Variants in CATSPERD observed in about 807,000 individuals in gnomAD.
CATSPERD encodes cation channel sperm-associated auxiliary subunit delta.
CATSPERD carries 86 observed loss-of-function variants against 98.1 expected under a neutral mutation model. That is an observed-to-expected ratio of 0.88 (90% CI 0.74 to 1.05). CATSPERD has a LOEUF of 1.05. Among genes scored for constraint, CATSPERD ranks in the 50% least tolerant of loss-of-function variants. CATSPERD has a pLI of 0.00. For synonymous variants in CATSPERD, 394 were observed against 390.2 expected, an observed-to-expected ratio of 1.01 and a Z score of -0.12; for missense variants, 995 against 1,005.7, an observed-to-expected ratio of 0.99 and a Z score of 0.14.
intron 7 of CATSPERD, among the ~76,000 whole-genome samples, chr19:5,740,989 G>T (rs1289051870): frequency 1.4e-5 from 2 of 142,920 alleles, no homozygotes; most frequent in Admixed American, 1.4e-4. Context: ...GGAGGCTGAG[G>T]CAGGAGGATT....
intron 16 of CATSPERD, 68 bp downstream of exon 16, chr19:5,763,361 T>C: frequency 7.4e-7 from 1 of 1,349,646 alleles, no homozygotes. Context: ...AAGCTGGCCC[T>C]GAGGTTGCAA....
At chr19:5,737,247 T>G (rs1568346637) in intron 6 of CATSPERD, 42 bp downstream of exon 6, 8 of 1,343,860 alleles carry the variant, frequency 6.0e-6, no homozygotes, top group Non-Finnish European at 8.5e-6. Flanking sequence ...TTTGCTCTCC[T>G]CTGAACACAA....
chr19:5,721,764 CACTCA>C, intron 1 of CATSPERD, among the ~76,000 whole-genome samples: 1 of 151,806 alleles, frequency 6.6e-6, no homozygotes, highest in Non-Finnish European at 1.5e-5. Flanking sequence ...GTGGGCAGAT[CACTCA>C]CTTGAGGTCA....
chr19:5,763,331 A>G lies in CATSPERD; in HGVS notation c.1506+38A>G, dbSNP rs745615591. On this transcript the variant is annotated intron_variant, in intron 16 of 21. Coordinates refer to ENST00000381624, the MANE Select transcript of CATSPERD (RefSeq NM_152784.4). ...TCTTTGCTGTCCCATATTCGGTGTC[A>G]TAAGTGTTAAGACTCATGGAAGCTG... 1.2e-5 allele frequency: 18 copies of G among 1,549,002 alleles called. No homozygotes were observed. In the Admixed American group the frequency reaches 2.2e-4, roughly 19 times the overall value.
rs2056770455 is a variant in CATSPERD at position 5,778,400 on chromosome 19, T to C, written c.2121T>C (p.Phe707=). ...YYSYCQLETI[F]SIYVYGAFPV... is the part of the protein sequence containing the mutation. Reference sequence around the variant, plus strand: ...GCTACTGTCAACTGGAGACCATCTTTAGCATCTACGTGTATGGAGCATTCC... The same window carrying C: ...GCTACTGTCAACTGGAGACCATCTTCAGCATCTACGTGTATGGAGCATTCC... The change falls in exon 22 of 22, where the codon TTT becomes TTC. Residue 707 remains phenylalanine, a synonymous_variant. Transcript: ENST00000381624. 7 of 1,611,206 alleles carry C rather than the reference T, an allele frequency of 4.3e-6. No individual in the cohort carries two copies. The highest frequency in any genetic ancestry group is 5.9e-6 in the Non-Finnish European group (7 of 1,178,076).
chr19:5,746,913 G>A (rs973542616), intron 9 of CATSPERD, among the ~76,000 whole-genome samples: 5 of 151,916 alleles, frequency 3.3e-5, no homozygotes, highest in Admixed American at 3.3e-4. Context: ...TGCAATCATG[G>A]CTCACTGCAG....
At chr19:5,773,691 A>G (rs2056690518) in intron 20 of CATSPERD, among the ~76,000 whole-genome samples, 1 of 109,764 alleles carries the variant, frequency 9.1e-6, no homozygotes, top group South Asian at 3.5e-4. Context: ...TAATTTTTGT[A>G]TCTTTTTTTT....
chr19:5,775,146 C>G (rs1182542022), intron 20 of CATSPERD: 1 of 416,224 alleles, frequency 2.4e-6, no homozygotes, highest in East Asian at 8.2e-5. Flanking sequence ...TTGAGACGGT[C>G]ACTACAACAG....
At chr19:5,767,396 G>A (rs1377085448) in intron 17 of CATSPERD, among the ~76,000 whole-genome samples, 1 of 148,874 alleles carries the variant, frequency 6.7e-6, no homozygotes, top group Non-Finnish European at 1.5e-5. Flanking sequence ...GCCCCTCCCA[G>A]AGCTGGGGTC....
At chr19:5,757,182 A>G (rs1254225877) in intron 13 of CATSPERD, among the ~76,000 whole-genome samples, 1 of 152,060 alleles carries the variant, frequency 6.6e-6, no homozygotes, top group Non-Finnish European at 1.5e-5. Context: ...CCCAGGAGGC[A>G]GAGGTTGCAG....
chr19:5,773,079 C>T (rs979731576), intron 20 of CATSPERD, 114 bp downstream of exon 20: 140 of 1,098,604 alleles, frequency 1.3e-4, no homozygotes, highest in Middle Eastern at 6.0e-4. Flanking sequence ...AGAGTTGGGG[C>T]GCGGTGGCTC....
chr19:5,771,087 G>A lies in CATSPERD; in HGVS notation c.1763+15G>A, dbSNP rs2056635174. 1 of 1,608,708 alleles carries A rather than the reference G, an allele frequency of 6.2e-7. No individual in the cohort carries two copies. The highest frequency in any genetic ancestry group is 8.5e-7 in the Non-Finnish European group (1 of 1,177,864). On this transcript the variant is annotated intron_variant, in intron 19 of 21. Coordinates refer to ENST00000381624, the MANE Select transcript of CATSPERD (RefSeq NM_152784.4). ...GTGGTGGAGCTGTAAGACCCCAGGG[G>A]GGTGCTGCAGGGTGGGGACGGTGGC... is the stretch of plus-strand genomic sequence containing the variant.
rs1042518586 is a variant in CATSPERD at position 5,754,152 on chromosome 19, A to G, written c.1185A>G (p.Glu395=). 3 of 1,612,124 alleles carry G rather than the reference A, an allele frequency of 1.9e-6. No homozygotes were observed. The African/African-American group carries it at 4.0e-5, about 22-fold the overall frequency. The change falls in exon 13 of 22, where the codon GAA becomes GAG. Residue 395 remains glutamate, a synonymous_variant. Transcript: ENST00000381624. The stretch of plus-strand genomic sequence containing the variant: ...ACTAGATAGAGTTTCTGACAGGAGA[A>G]TTTATATACAGGATGTATACCATTG... ...GKCKIEFLTG[E]FIYRMYTIDM... is the part of the protein sequence containing the mutation.
chr19:5,775,353 G>A, intron 20 of CATSPERD: 2 of 463,080 alleles, frequency 4.3e-6, no homozygotes, highest in Non-Finnish European at 4.5e-6. Context: ...AAACAGCAGG[G>A]AGGGGCCAGG....
At chr19:5,750,260 A>T (rs56210714) in intron 11 of CATSPERD, among the ~76,000 whole-genome samples, 1 of 149,094 alleles carries the variant, frequency 6.7e-6, no homozygotes, top group Admixed American at 6.7e-5. Flanking sequence ...CATCCTGGCT[A>T]ACACGGTGAA....
chr19:5,725,004 C>G (rs1437206046), intron 2 of CATSPERD, 142 bp downstream of exon 2: 3 of 786,784 alleles, frequency 3.8e-6, no homozygotes, highest in Non-Finnish European at 2.2e-6. Flanking sequence ...GTTCTTTCCC[C>G]TTTGAAATAG....
chr19:5,766,289 G>A (rs866379324), intron 17 of CATSPERD, 134 bp downstream of exon 17: 6,720 of 242,060 alleles, frequency 0.028, 279 homozygotes, highest in Middle Eastern at 0.042. Flanking sequence ...CGTCTCTACT[G>A]AAAAAAAAAA....
chr19:5,758,963 A>T, intron 14 of CATSPERD, 123 bp from the exon 15 acceptor site: 4 of 780,528 alleles, frequency 5.1e-6, no homozygotes, highest in Non-Finnish European at 9.0e-6. Context: ...GAGTGGGGCT[A>T]AGCGGCTTCC....
chr19:5,754,219 C>T lies in CATSPERD; in HGVS notation c.1252C>T (p.Gln418Ter). Residue 418 changes from glutamine to a stop codon, truncating the protein, a stop_gained, in exon 13 of 22, where the codon CAG becomes TAG. Coordinates refer to ENST00000381624, the MANE Select transcript of CATSPERD (RefSeq NM_152784.4). LOFTEE classifies it high-confidence loss of function. ...QLELTASLIP[Q>*]PGTSLIPLVM... ...GGAATTGACTGCTTCGTTGATACCC[C>T]AGCCAGGCACATCCCTGATTCCTCT... 1 of 1,613,348 alleles carries T rather than the reference C, an allele frequency of 6.2e-7. No homozygotes were observed.
Sources: allele counts gnomAD v4.1 joint callset (sites outside exome capture counted in the v4.1 genomes callset), GRCh38; gene constraint gnomAD v4.1.1; transcripts MANE v1.5; gene names NCBI Gene and HGNC (gene_info 2026-07-23, HGNC 2026-07-21).